PCDH9: variants seen among roughly 807,000 people sequenced by gnomAD.
The protein encoded by PCDH9 is protocadherin-9.
In PCDH9, 24 loss-of-function variants were observed where a neutral mutation model predicts 70.6. That is an observed-to-expected ratio of 0.34 (90% CI 0.25 to 0.48). The LOEUF (loss-of-function observed/expected upper bound fraction) is 0.48, where lower values mean the gene tolerates loss of function less well. PCDH9 is among the 20% of genes least tolerant of loss of function. PCDH9 has a pLI of 0.99. For missense variants in PCDH9, 1,281 were observed against 1,503.6 expected, an observed-to-expected ratio of 0.85 and a Z score of 2.45; for synonymous variants, 562 against 558.5, an observed-to-expected ratio of 1.01 and a Z score of -0.09.
chr13:66,523,374 T>G (rs116279530), intron 4 of PCDH9, among the ~76,000 whole-genome samples: 2,624 of 151,992 alleles, frequency 0.017, 54 homozygotes, highest in African/African-American at 0.061. Flanking sequence ...GCTTGAGAAA[T>G]TTGCTCAAAG....
rs531251337 is a variant in PCDH9 at position 67,026,850 on chromosome 13, C to T, written c.3037-123245G>A. ...GAGAATAAAATACCTAGGAATCCAA[C>T]TTACAAGGGACGTGAAGGACCTCTT... On this transcript the variant is annotated intron_variant, in intron 2 of 4. Coordinates refer to ENST00000377865, the MANE Select transcript of PCDH9 (RefSeq NM_203487.3). 5.1e-3 allele frequency among the ~76,000 whole-genome samples: 773 copies of T among 152,152 alleles called. 3 individuals carry two copies. Among genetic ancestry groups the T allele is most frequent in the African/African-American group, 0.017 (718 of 41,516 alleles).
chr13:67,074,391 T>C (rs2085836185), intron 2 of PCDH9, among the ~76,000 whole-genome samples: 1 of 152,124 alleles, frequency 6.6e-6, no homozygotes, highest in Non-Finnish European at 1.5e-5. Context: ...ATGTTGATCT[T>C]GGAGTTCTCA....
chr13:67,047,438 T>G (rs1262847101), intron 2 of PCDH9, among the ~76,000 whole-genome samples: 1 of 152,154 alleles, frequency 6.6e-6, no homozygotes. Context: ...CACACAACAC[T>G]TTAAAGGTTA....
At chr13:66,717,286 T>C (rs1285185668) in intron 3 of PCDH9, among the ~76,000 whole-genome samples, 1 of 150,672 alleles carries the variant, frequency 6.6e-6, no homozygotes, top group East Asian at 2.0e-4. Context: ...CGAAACTCTG[T>C]ACTAAAAATA....
At chr13:67,163,748 A>G (rs1998784) in intron 2 of PCDH9, among the ~76,000 whole-genome samples, 24,368 of 152,198 alleles carry the variant, frequency 0.16, 2,084 homozygotes, top group East Asian at 0.22. Context: ...TGAGGCTTCC[A>G]AAATGTACAG....
intron 4 of PCDH9, chr13:66,323,251 C>A (rs542617222): frequency 4.6e-5 from 7 of 152,022 alleles, no homozygotes; most frequent in African/African-American, 1.7e-4. Context: ...CATATCCTCC[C>A]AAATATTTTT....
At chr13:66,851,807 T>C (rs2081319214) in intron 3 of PCDH9, among the ~76,000 whole-genome samples, 1 of 152,188 alleles carries the variant, frequency 6.6e-6, no homozygotes, top group Non-Finnish European at 1.5e-5. Flanking sequence ...CTAAGAAACT[T>C]GACAAAATAC....
intron 4 of PCDH9, among the ~76,000 whole-genome samples, chr13:66,323,956 T>C (rs952558258): frequency 6.6e-5 from 10 of 152,240 alleles, no homozygotes; most frequent in Admixed American, 3.3e-4. Context: ...TGTCTAACTT[T>C]CTTGGCTCAG....
intron 2 of PCDH9, among the ~76,000 whole-genome samples, chr13:67,151,254 G>T (rs1045063311): frequency 6.6e-6 from 1 of 152,060 alleles, no homozygotes; most frequent in African/African-American, 2.4e-5. Flanking sequence ...GCCATTTATT[G>T]TGATTTCTCT....
chr13:66,624,736 T>C (rs1360354462), intron 4 of PCDH9, among the ~76,000 whole-genome samples: 1 of 152,194 alleles, frequency 6.6e-6, no homozygotes, highest in Admixed American at 6.5e-5. Flanking sequence ...GCAACTTCAT[T>C]AGAAACATAC....
chr13:66,806,326 G>A lies in PCDH9; in HGVS notation c.3138+97178C>T, dbSNP rs907118639. Among the ~76,000 whole-genome samples the A allele has an allele frequency of 6.6e-5, 10 of 152,234 alleles. No homozygotes were observed. In the East Asian group the frequency reaches 1.5e-3, roughly 24 times the overall value. On this transcript the variant is annotated intron_variant, in intron 3 of 4. Coordinates refer to ENST00000377865, the MANE Select transcript of PCDH9 (RefSeq NM_203487.3). The stretch of plus-strand genomic sequence containing the variant: ...AATAAATACAGAATAGCCCCAGGTG[G>A]TATAATCTAATGTTGACTAATTCAT...
intron 4 of PCDH9, among the ~76,000 whole-genome samples, chr13:66,396,582 TAGAC>T (rs66751128): frequency 0.39 from 59,216 of 151,748 alleles, 13,136 homozygotes; most frequent in Admixed American, 0.56. Context: ...ACGAAATAGA[TAGAC>T]AGACAGATAG....
chr13:66,743,585 T>G (rs1476805540), intron 3 of PCDH9, among the ~76,000 whole-genome samples: 2 of 152,080 alleles, frequency 1.3e-5, no homozygotes, highest in Non-Finnish European at 2.9e-5. Flanking sequence ...TGGTGTAACA[T>G]GGTGAATATA....
intron 4 of PCDH9, among the ~76,000 whole-genome samples, chr13:66,352,914 A>G (rs1048467327): frequency 6.6e-6 from 1 of 152,168 alleles, no homozygotes; most frequent in Non-Finnish European, 1.5e-5. Context: ...GAACACTTAA[A>G]TGAATTCCTC....
chr13:66,889,832 T>C (rs776413887), intron 3 of PCDH9, among the ~76,000 whole-genome samples: 3 of 152,214 alleles, frequency 2.0e-5, no homozygotes, highest in Non-Finnish European at 2.9e-5. Context: ...AGATGTTTTT[T>C]ACCTGACTAT....
chr13:67,055,256 C>T (rs1487876522), intron 2 of PCDH9, among the ~76,000 whole-genome samples: 1 of 152,056 alleles, frequency 6.6e-6, no homozygotes, highest in Non-Finnish European at 1.5e-5. Context: ...AGTAATAGAT[C>T]CTATAGGACA....
At chr13:66,750,229 G>A (rs2079436391) in intron 3 of PCDH9, among the ~76,000 whole-genome samples, 2 of 152,094 alleles carry the variant, frequency 1.3e-5, no homozygotes, top group African/African-American at 4.8e-5. Flanking sequence ...TTCGCTAATA[G>A]AAGAAATAGA....
intron 3 of PCDH9, among the ~76,000 whole-genome samples, chr13:66,888,635 G>T (rs2082047306): frequency 6.6e-6 from 1 of 152,000 alleles, no homozygotes; most frequent in South Asian, 2.1e-4. Context: ...GAGAAAGATG[G>T]GCCTTAGAAG....
chr13:66,335,195 A>G (rs1461825877), intron 4 of PCDH9, among the ~76,000 whole-genome samples: 2 of 152,152 alleles, frequency 1.3e-5, no homozygotes, highest in African/African-American at 2.4e-5. Flanking sequence ...AAAAGAAAGC[A>G]CTAGGTAGTC....
Sources: allele counts gnomAD v4.1 joint callset (sites outside exome capture counted in the v4.1 genomes callset), GRCh38; gene constraint gnomAD v4.1.1; transcripts MANE v1.5; gene names NCBI Gene and HGNC (gene_info 2026-07-23, HGNC 2026-07-21).